KLHL29: variants seen among roughly 807,000 people sequenced by gnomAD.
The protein encoded by KLHL29 is kelch-like protein 29.
A neutral mutation model predicts 80.4 loss-of-function variants in KLHL29; 21 were observed. That is an observed-to-expected ratio of 0.26 (90% CI 0.19 to 0.38). KLHL29 has a LOEUF of 0.38. KLHL29 is among the 10% of genes least tolerant of loss of function. The pLI, the probability that KLHL29 is intolerant of heterozygous loss-of-function variation, is 1.00. For missense variants in KLHL29, 867 were observed against 1,223.9 expected, an observed-to-expected ratio of 0.71 and a Z score of 4.35; for synonymous variants, 511 against 526.8, an observed-to-expected ratio of 0.97 and a Z score of 0.41.
At chr2:23,634,385 G>T (rs1385565218) in intron 3 of KLHL29, among the ~76,000 whole-genome samples, 1 of 152,162 alleles carries the variant, frequency 6.6e-6, no homozygotes, top group Non-Finnish European at 1.5e-5. Flanking sequence ...ACTGGTTGCT[G>T]TGGGGTCCTT....
intron 2 of KLHL29, among the ~76,000 whole-genome samples, chr2:23,531,616 T>C (rs781235738): frequency 3.9e-5 from 6 of 152,104 alleles, no homozygotes; most frequent in Non-Finnish European, 7.4e-5. Context: ...TATTAAAGCT[T>C]AATAAAAGGC....
chr2:23,628,234 T>C (rs916273426), intron 3 of KLHL29, among the ~76,000 whole-genome samples: 1 of 152,108 alleles, frequency 6.6e-6, no homozygotes, highest in African/African-American at 2.4e-5. Context: ...TTAATGAGCA[T>C]GTTAAGCGAC....
intron 2 of KLHL29, among the ~76,000 whole-genome samples, chr2:23,525,731 CCCCCCCCACCCGAGGCGAG>C (rs1430870664): frequency 1.5e-5 from 1 of 68,132 alleles, no homozygotes; most frequent in Non-Finnish European, 3.2e-5. Context: ...CCCCTGCCCC[CCCCCCCCACCCGAGGCGAG>C]CCAGCAGAGC....
chr2:23,663,853 G>GA (rs1670485347), intron 5 of KLHL29, among the ~76,000 whole-genome samples: 1 of 152,196 alleles, frequency 6.6e-6, no homozygotes, highest in South Asian at 2.1e-4. Context: ...GATTCAGGTG[G>GA]AAAAAATCAA....
At chr2:23,630,506 T>G (rs776417962) in intron 3 of KLHL29, among the ~76,000 whole-genome samples, 20 of 152,158 alleles carry the variant, frequency 1.3e-4, no homozygotes, top group Admixed American at 4.6e-4. Context: ...GTTTTTGAAA[T>G]GGAGTCTAGC....
intron 1 of KLHL29, among the ~76,000 whole-genome samples, chr2:23,394,971 G>A (rs1666412809): frequency 1.3e-5 from 2 of 152,202 alleles, no homozygotes; most frequent in Non-Finnish European, 2.9e-5. Flanking sequence ...GAACTGTGCT[G>A]ACATATGCCA....
chr2:23,414,084 G>A (rs142112020), intron 1 of KLHL29, among the ~76,000 whole-genome samples: 1 of 152,346 alleles, frequency 6.6e-6, no homozygotes, highest in East Asian at 1.9e-4. Context: ...CAGAACTCTT[G>A]AAGACAGGAT....
At chr2:23,501,194 G>A (rs1653760) in intron 2 of KLHL29, among the ~76,000 whole-genome samples, 61,216 of 151,790 alleles carry the variant, frequency 0.4, 12,837 homozygotes, top group Non-Finnish European at 0.45. Flanking sequence ...TCTTCCCCGC[G>A]TGAACACGTC....
At chr2:23,415,189 C>T (rs1426113991) in intron 1 of KLHL29, among the ~76,000 whole-genome samples, 4 of 152,178 alleles carry the variant, frequency 2.6e-5, no homozygotes, top group Non-Finnish European at 5.9e-5. Flanking sequence ...TGTGTCGGTG[C>T]GTCCTGTTGG....
intron 1 of KLHL29, among the ~76,000 whole-genome samples, chr2:23,466,082 A>G (rs1270921752): frequency 1.3e-5 from 2 of 152,052 alleles, no homozygotes; most frequent in Non-Finnish European, 2.9e-5. Context: ...TACACTCTTT[A>G]AGGGAAAAAA....
chr2:23,443,147 A>C (rs1318490372), intron 1 of KLHL29, among the ~76,000 whole-genome samples: 4 of 152,244 alleles, frequency 2.6e-5, no homozygotes, highest in Admixed American at 2.6e-4. Context: ...TACCACCTAG[A>C]TTCAAAAATT....
chr2:23,403,762 T>TGC (rs1553318976), intron 1 of KLHL29, among the ~76,000 whole-genome samples: 10 of 150,832 alleles, frequency 6.6e-5, no homozygotes, highest in African/African-American at 2.5e-4. Flanking sequence ...TGTGTGTGTG[T>TGC]GTGCAGGCGC....
At chr2:23,388,010 G>T (rs914683503) in intron 1 of KLHL29, among the ~76,000 whole-genome samples, 5 of 152,146 alleles carry the variant, frequency 3.3e-5, no homozygotes, top group Non-Finnish European at 7.4e-5. Flanking sequence ...ACTTTCATTT[G>T]CAAGCAGCAA....
intron 3 of KLHL29, among the ~76,000 whole-genome samples, chr2:23,625,454 C>T (rs1572447693): frequency 6.6e-6 from 1 of 152,224 alleles, no homozygotes; most frequent in East Asian, 1.9e-4. Flanking sequence ...AGCCTTTCAA[C>T]AGCATTCGGG....
At chr2:23,586,603 C>G (rs1709291) in intron 3 of KLHL29, among the ~76,000 whole-genome samples, 2 of 152,008 alleles carry the variant, frequency 1.3e-5, no homozygotes, top group African/African-American at 4.8e-5. Context: ...TCAGGTGATC[C>G]GTCCACCTGG....
At chr2:23,434,045 G>A (rs994375857) in intron 1 of KLHL29, among the ~76,000 whole-genome samples, 8 of 151,742 alleles carry the variant, frequency 5.3e-5, no homozygotes, top group African/African-American at 1.5e-4. Flanking sequence ...GCTCCGGCCG[G>A]GCGCGGTGGC....
chr2:23,458,026 T>TA (rs1224987629), intron 1 of KLHL29, among the ~76,000 whole-genome samples: 18 of 150,654 alleles, frequency 1.2e-4, no homozygotes, highest in East Asian at 5.8e-4. Context: ...AAATAAAAAT[T>TA]AAAAAAAAAT....
intron 1 of KLHL29, among the ~76,000 whole-genome samples, chr2:23,394,271 C>G (rs1231342274): frequency 1.3e-5 from 2 of 152,204 alleles, no homozygotes; most frequent in Non-Finnish European, 2.9e-5. Context: ...AAACCTGCAG[C>G]TAAGCTTAGC....
chr2:23,705,971 G>A (rs1039716650), intron 13 of KLHL29, among the ~76,000 whole-genome samples: 18 of 152,220 alleles, frequency 1.2e-4, no homozygotes, highest in African/African-American at 3.9e-4. Context: ...AGCATGCCCG[G>A]CCCTTGCAAT....
Sources: gnomAD v4.1 joint callset for allele counts (sites outside exome capture counted in the v4.1 genomes callset) on GRCh38, gnomAD v4.1.1 for gene constraint, MANE v1.5 for transcripts, NCBI Gene and HGNC (gene_info 2026-07-23, HGNC 2026-07-21) for gene names.